Variants in BRSK2 observed in about 807,000 individuals in gnomAD.
BRSK2 encodes the protein BR serine/threonine kinase 2.
Under a neutral mutation model 83.3 loss-of-function variants are expected in BRSK2, and 19 were observed. That is an observed-to-expected ratio of 0.23 (90% CI 0.16 to 0.33). The LOEUF is 0.33. Ranked by LOEUF, BRSK2 falls within the 10% of genes least tolerant of loss-of-function variation. BRSK2 has a pLI of 1.00. For synonymous variants in BRSK2, 519 were observed against 435.4 expected, an observed-to-expected ratio of 1.19 and a Z score of -2.39; for missense variants, 798 against 1,042.3, an observed-to-expected ratio of 0.77 and a Z score of 3.23.
intron 12 of BRSK2, among the ~76,000 whole-genome samples, chr11:1,449,304 G>A (rs1317908773): frequency 1.3e-5 from 2 of 152,212 alleles, no homozygotes; most frequent in Non-Finnish European, 2.9e-5. Context: ...GCCGGCCGCT[G>A]ACCCAGGCAT....
chr11:1,425,334 C>T (rs1348638170), intron 1 of BRSK2, among the ~76,000 whole-genome samples: 5 of 152,294 alleles, frequency 3.3e-5, no homozygotes, highest in East Asian at 1.9e-4. Context: ...GTGGGGGCCT[C>T]GGGTCCTCAG....
At chr11:1,420,798 G>T (rs1848568967) in intron 1 of BRSK2, among the ~76,000 whole-genome samples, 1 of 152,224 alleles carries the variant, frequency 6.6e-6, no homozygotes, top group Non-Finnish European at 1.5e-5. Context: ...GCTCTAGGTG[G>T]GGCTGGCAGT....
chr11:1,399,556 C>T (rs1314020920), intron 1 of BRSK2, among the ~76,000 whole-genome samples: 1 of 152,096 alleles, frequency 6.6e-6, no homozygotes, highest in Non-Finnish European at 1.5e-5. Context: ...CAAGGCCGGG[C>T]TGGTCAGCTG....
rs1289906754 is a variant in BRSK2, at chr11:1,438,043, A to C, written c.187-263A>C. ...CGTCCCTGCATCCCCCACAGCTGGC[A>C]CCAAAGGCCCCTGCGTCCCCCACAG... is the stretch of plus-strand genomic sequence containing the variant. On this transcript the variant is annotated intron_variant, in intron 2 of 19. Coordinates refer to ENST00000528841, the MANE Select transcript of BRSK2 (RefSeq NM_001256627.2). This position sits in a 1 kb window ranked among gnomAD's most constrained non-coding sequence, Gnocchi z 6.4. Among the ~76,000 whole-genome samples the C allele has an allele frequency of 6.7e-6, 1 of 148,196 alleles. No homozygotes were observed. Among genetic ancestry groups the C allele is most frequent in the African/African-American group, 2.6e-5 (1 of 38,906 alleles).
rs1484735282 is a variant in BRSK2 at position 1,390,446 on chromosome 11, G to A, written c.91+71G>A. On this transcript the variant is annotated intron_variant, in intron 1 of 19. Coordinates refer to ENST00000528841, the MANE Select transcript of BRSK2 (RefSeq NM_001256627.2). This position sits in a 1 kb window ranked among gnomAD's most constrained non-coding sequence, Gnocchi z 6.8. ...GCAGCGCGCTGGGTGGGGGGCGCCC[G>A]AGGGAGGCCCCGGCCGCGAAGCCGC... 4 of 884,764 alleles carry A rather than the reference G, an allele frequency of 4.5e-6. No homozygotes were observed. Among genetic ancestry groups the A allele is most frequent in the Non-Finnish European group, 5.4e-6 (4 of 734,366 alleles). 54.8% of individuals were successfully genotyped at this position (884,764 alleles called of 1,614,324 possible). A position where few individuals can be genotyped will look rare whatever the true frequency, so the allele number is the denominator to read the frequency against.
At chr11:1,395,522 G>A (rs970079324) in intron 1 of BRSK2, among the ~76,000 whole-genome samples, 29 of 152,206 alleles carry the variant, frequency 1.9e-4, no homozygotes, top group African/African-American at 6.0e-4. Flanking sequence ...CAGAGGTTCC[G>A]GGTGGTGAGG....
intron 1 of BRSK2, among the ~76,000 whole-genome samples, chr11:1,405,955 C>T (rs555970223): frequency 2.0e-4 from 30 of 152,234 alleles, no homozygotes; most frequent in African/African-American, 7.0e-4. Flanking sequence ...GCCATTCCAT[C>T]CCCAGCCTTC....
intron 1 of BRSK2, among the ~76,000 whole-genome samples, chr11:1,403,487 C>T (rs1846628715): frequency 6.6e-6 from 1 of 152,230 alleles, no homozygotes; most frequent in Admixed American, 6.5e-5. Flanking sequence ...CTGCTCCTTC[C>T]ACTCAGGAGG....
intron 1 of BRSK2, among the ~76,000 whole-genome samples, chr11:1,396,155 T>C (rs565963100): frequency 7.5e-5 from 11 of 147,272 alleles, no homozygotes; most frequent in Non-Finnish European, 1.3e-4. Context: ...GCCAGGTGTG[T>C]GTGGACCCCT....
intron 15 of BRSK2, among the ~76,000 whole-genome samples, chr11:1,452,785 TGAGGGTCCTGCACAGACGCCTTGGAC>T (rs1845963175): frequency 6.6e-6 from 1 of 151,754 alleles, no homozygotes; most frequent in Non-Finnish European, 1.5e-5. Context: ...CAGCCCTTAT[TGAGGGTCCTGCACAGACGCCTTGGAC>T]GAGGGTCCAG....
intron 1 of BRSK2, among the ~76,000 whole-genome samples, chr11:1,397,728 G>T (rs546372575): frequency 1.3e-5 from 2 of 152,228 alleles, no homozygotes; most frequent in African/African-American, 4.8e-5. Flanking sequence ...CTTGGGTCCT[G>T]TCTGCCCTGG....
intron 1 of BRSK2, among the ~76,000 whole-genome samples, chr11:1,413,028 CCTT>C (rs1207434738): frequency 4.6e-5 from 7 of 152,180 alleles, no homozygotes; most frequent in Admixed American, 6.5e-5. Flanking sequence ...GCCCTGGCCT[CCTT>C]CTTCCCATGT....
intron 1 of BRSK2, among the ~76,000 whole-genome samples, chr11:1,419,649 G>A (rs562727303): frequency 8.1e-4 from 124 of 152,318 alleles, no homozygotes; most frequent in Admixed American, 1.4e-3. Context: ...AGTGGCTCAC[G>A]CCTGTAATCC....
intron 1 of BRSK2, among the ~76,000 whole-genome samples, chr11:1,428,163 A>C (rs1404331136): frequency 6.6e-6 from 1 of 152,110 alleles, no homozygotes; most frequent in Non-Finnish European, 1.5e-5. Flanking sequence ...CCTACATCCC[A>C]GCCTGCTGCG....
At chr11:1,458,324 C>T (rs1452756026) in intron 18 of BRSK2, among the ~76,000 whole-genome samples, 5 of 152,140 alleles carry the variant, frequency 3.3e-5, no homozygotes, top group Admixed American at 3.3e-4. Context: ...TCCATTCCTG[C>T]CCCGGACCCT....
intron 1 of BRSK2, among the ~76,000 whole-genome samples, chr11:1,398,041 G>C (rs1477135979): frequency 2.0e-5 from 3 of 152,218 alleles, no homozygotes; most frequent in Non-Finnish European, 4.4e-5. Context: ...GTGATACAGC[G>C]GGGATGGCTG....
chr11:1,415,593 A>C (rs186942949), intron 1 of BRSK2, among the ~76,000 whole-genome samples: 2 of 152,280 alleles, frequency 1.3e-5, no homozygotes, highest in East Asian at 3.9e-4. Context: ...CATTGGACCC[A>C]GTTTTAGTCA....
chr11:1,404,978 G>A (rs946618156), intron 1 of BRSK2, among the ~76,000 whole-genome samples: 7 of 151,958 alleles, frequency 4.6e-5, no homozygotes, highest in South Asian at 2.1e-4. Flanking sequence ...GCAGGCGGGC[G>A]TGCAGGCCTC....
intron 1 of BRSK2, chr11:1,411,530 TCA>T (rs1396700905): frequency 6.5e-7 from 1 of 1,544,822 alleles, no homozygotes; most frequent in Non-Finnish European, 8.7e-7. Flanking sequence ...GGGCCGCACA[TCA>T]CAGAGTGCCA....
Sources: allele counts gnomAD v4.1 joint callset (sites outside exome capture counted in the v4.1 genomes callset), GRCh38; gene constraint gnomAD v4.1.1; non-coding constraint Gnocchi (gnomAD v3.1); transcripts MANE v1.5; gene names NCBI Gene and HGNC (gene_info 2026-07-23, HGNC 2026-07-21).